The following MCF2L variants were observed in gnomAD, a reference collection of about 807,000 sequenced individuals.
MCF2L encodes the protein guanine nucleotide exchange factor DBS.
MCF2L carries 97 observed loss-of-function variants against 153.4 expected under a neutral mutation model. The ratio of observed to expected loss-of-function variants is 0.63; its 90% confidence interval spans 0.54 to 0.75. The LOEUF is 0.75. MCF2L is among the 30% of genes least tolerant of loss of function. MCF2L has a pLI of 0.00. For synonymous variants in MCF2L, 659 were observed against 632.2 expected (o/e 1.04, Z -0.64); for missense variants, 1,347 against 1,495.2 (o/e 0.90, Z 1.64).
intron 1 of MCF2L, among the ~76,000 whole-genome samples, chr13:112,970,254 A>G (rs1042586815): frequency 6.6e-6 from 1 of 152,194 alleles, no homozygotes; most frequent in Non-Finnish European, 1.5e-5. Flanking sequence ...CATATATGCC[A>G]TTACTAGTTG....
chr13:113,089,864 C>T (rs776169271), intron 26 of MCF2L, 136 bp downstream of exon 26: 1 of 1,612,944 alleles, frequency 6.2e-7, no homozygotes, highest in Non-Finnish European at 8.5e-7. Context: ...CCCTTGCTCC[C>T]CTCTTAACAG....
chr13:113,060,748 A>G, intron 5 of MCF2L, 36 bp downstream of exon 5: 1 of 1,607,496 alleles, frequency 6.2e-7, no homozygotes, highest in Non-Finnish European at 8.5e-7. Context: ...CGGTAGCAGA[A>G]CGGAACTCAT....
intron 2 of MCF2L, among the ~76,000 whole-genome samples, chr13:112,961,219 T>G (rs768903094): frequency 3.9e-5 from 6 of 152,210 alleles, no homozygotes; most frequent in Non-Finnish European, 7.3e-5. Flanking sequence ...TACCAAGTCT[T>G]AAAATAATAC....
intron 20 of MCF2L, 86 bp downstream of exon 20, chr13:113,085,264 G>T: frequency 8.7e-7 from 1 of 1,152,608 alleles, no homozygotes; most frequent in Non-Finnish European, 1.3e-6. Flanking sequence ...TCCCCATCGC[G>T]CCCTGCCCCT....
At chr13:113,019,449 C>T (rs548183309) in intron 2 of MCF2L, among the ~76,000 whole-genome samples, 12 of 152,328 alleles carry the variant, frequency 7.9e-5, no homozygotes, top group Non-Finnish European at 1.3e-4. Context: ...GACAGACAGA[C>T]GTTCCCTGCC....
At position 113,092,990 on chromosome 13, in the gene MCF2L, A is replaced by G. The variant is rs534346858; in HGVS notation, c.2954-1524A>G. The stretch of plus-strand genomic sequence containing the variant: ...TCGTGTGTAAGGTCCTGCCCACGCC[A>G]CACCAGCTCCTGTGCACACACAGCA... On this transcript the variant is annotated intron_variant, in intron 26 of 29. Transcript: ENST00000535094. 5.3e-5 allele frequency among the ~76,000 whole-genome samples: 8 copies of G among 150,536 alleles called. No individual in the cohort carries two copies. The South Asian group carries it at 1.4e-3, about 25-fold the overall frequency.
At position 112,951,122 on chromosome 13, in the gene MCF2L, A is replaced by G. The variant is rs1054425828; in HGVS notation, c.169+48751A>G. The stretch of plus-strand genomic sequence containing the variant: ...AGAGCACACGGAAAGGTGTCAGTCA[A>G]TAGTAGCCAGTGGAGAAGTGCAAGA... On this transcript the variant is annotated intron_variant, in intron 2 of 29. Transcript: ENST00000375608. The surrounding 1 kb of genome is among the most constrained non-coding windows in gnomAD (Gnocchi z 4.8). 5.9e-5 allele frequency among the ~76,000 whole-genome samples: 9 copies of G among 152,212 alleles called. No homozygotes were observed. The highest frequency in any genetic ancestry group is 2.1e-4 in the South Asian group (1 of 4,830).
In MCF2L at chr13:113,074,595, G is replaced by C. The variant is rs765933427; in HGVS notation, c.1116+32G>C. ...CGGGGTCCCGGCGGGGGCGGCGGGAGAGTGTGGGCAGCATCATCAAGTGCT... is the reference window on the plus strand; with the variant it reads ...CGGGGTCCCGGCGGGGGCGGCGGGACAGTGTGGGCAGCATCATCAAGTGCT... On this transcript the variant is annotated intron_variant, in intron 10 of 29. Transcript: ENST00000535094. The surrounding 1 kb of genome is among the most constrained non-coding windows in gnomAD (Gnocchi z 4.2). The C allele has an allele frequency of 1.2e-6, 2 of 1,609,424 alleles. No individual in the cohort carries two copies. Among genetic ancestry groups the C allele is most frequent in the South Asian group, 2.2e-5 (2 of 90,996 alleles).
At chr13:113,080,933 C>T (rs1454782383) in intron 15 of MCF2L, among the ~76,000 whole-genome samples, 2 of 152,186 alleles carry the variant, frequency 1.3e-5, no homozygotes, top group African/African-American at 4.8e-5. Context: ...GGAGGCGAGT[C>T]TGGGAATCCC....
chr13:113,092,989 C>T (rs2035348772), intron 26 of MCF2L, among the ~76,000 whole-genome samples: 1 of 152,268 alleles, frequency 6.6e-6, no homozygotes, highest in African/African-American at 2.4e-5. Context: ...CTGCCCACGC[C>T]ACACCAGCTC....
rs532849365 is a variant in MCF2L, at chr13:113,092,586, G to A, written c.2954-1928G>A. 8.1e-4 allele frequency among the ~76,000 whole-genome samples: 124 copies of A among 152,374 alleles called. 1 individual carries two copies. Among genetic ancestry groups the A allele is most frequent in the African/African-American group, 2.7e-3 (114 of 41,602 alleles). On this transcript the variant is annotated intron_variant, in intron 26 of 29. Coordinates refer to ENST00000535094, the MANE Select transcript of MCF2L (RefSeq NM_001112732.3). ...GCCCAGCACCCACTCCCCAAGCCCT[G>A]CAGGTGGTGACTCCAATGAGCAAAG...
At chr13:113,075,361 T>G (rs556599778) in intron 11 of MCF2L, among the ~76,000 whole-genome samples, 172 bp downstream of exon 11, 19 of 151,170 alleles carry the variant, frequency 1.3e-4, no homozygotes, top group Non-Finnish European at 2.1e-4. Context: ...TTTCTAGAAT[T>G]CATTTGCCAC....
chr13:112,961,852 C>G (rs1397051329), intron 2 of MCF2L, among the ~76,000 whole-genome samples: 2 of 152,222 alleles, frequency 1.3e-5, no homozygotes, highest in Non-Finnish European at 2.9e-5. Flanking sequence ...AGAGGGGCCT[C>G]CTGCCTTGCT....
At position 113,045,795 on chromosome 13, in the gene MCF2L, TACACAAAGCACA is replaced by T. The variant is rs1456670980; in HGVS notation, c.369+438_369+449del. The T allele has an allele frequency of 1.2e-4, 26 of 223,720 alleles. No homozygotes were observed. The highest frequency in any genetic ancestry group is 5.8e-4 in the African/African-American group (26 of 44,662). 13.9% of individuals were successfully genotyped at this position (223,720 alleles called of 1,614,324 possible). A position where few individuals can be genotyped will look rare whatever the true frequency, so the allele number is the denominator to read the frequency against. On this transcript the variant is annotated intron_variant, in intron 4 of 29. Transcript: ENST00000535094. This position sits in a 1 kb window ranked among gnomAD's most constrained non-coding sequence, Gnocchi z 4.2. ...GTGGGATTGAACATGCACTTCCTCT[TACACAAAGCACA>T]ACAGTCCTGACCAGGCAGGACGGGG... is the stretch of plus-strand genomic sequence containing the variant.
chr13:112,975,366 T>C (rs1348602066), intron 1 of MCF2L, among the ~76,000 whole-genome samples: 1 of 152,240 alleles, frequency 6.6e-6, no homozygotes, highest in Non-Finnish European at 1.5e-5. Flanking sequence ...AAATCACTGG[T>C]GCTGGACCCG....
chr13:113,024,629 C>T lies in MCF2L; in HGVS notation c.164-15C>T. ...GGAGCCCTCGGCTAAGGGTCTGCCT[C>T]TGGTCTCTCCCCAGGTGGGCGGGGG... is the stretch of plus-strand genomic sequence containing the variant. On this transcript the variant is annotated splice_polypyrimidine_tract_variant and intron_variant, in intron 2 of 29. Transcript: ENST00000535094. 1.3e-6 allele frequency: 2 copies of T among 1,592,170 alleles called. No homozygotes were observed. Among genetic ancestry groups the T allele is most frequent in the Non-Finnish European group, 1.7e-6 (2 of 1,160,574 alleles).
intron 1 of MCF2L, 25 bp from the exon 2 acceptor site, chr13:113,014,738 C>T (rs375976240): frequency 1.0e-4 from 161 of 1,605,890 alleles, no homozygotes; most frequent in Non-Finnish European, 1.3e-4. Context: ...GGGACTGACA[C>T]GTGCCGTCTG....
Position 113,097,041 on chromosome 13 carries a change from G to A in MCF2L, c.*182G>A. The A allele has an allele frequency of 2.5e-6, 1 of 400,224 alleles. No homozygotes were observed. The highest frequency in any genetic ancestry group is 4.3e-6 in the Non-Finnish European group (1 of 231,090). The allele number at this position is 400,224 out of a possible 1,614,324, so 24.8% of individuals were successfully genotyped here. On this transcript the variant is annotated 3_prime_UTR_variant, in exon 30 of 30. Transcript: ENST00000535094. ...GTTCCACGGAAGACCCCGGCCCGCT[G>A]GGGCTTCCCCGGAGACTCCAGAGCC...
rs964223012 is a variant in MCF2L at position 113,063,065 on chromosome 13, C to T, written c.490-1239C>T. ...ATGATGTTGCTGGAGGAGGTGTAAA[C>T]GCCTGTTGCATGTCCTTGGCCATCA... On this transcript the variant is annotated intron_variant, in intron 5 of 29. Transcript: ENST00000535094. Among the ~76,000 whole-genome samples the T allele has an allele frequency of 7.9e-5, 12 of 152,230 alleles. No homozygotes were observed. In the East Asian group the frequency reaches 1.3e-3, roughly 17 times the overall value.
Sources: gnomAD v4.1 joint callset for allele counts (sites outside exome capture counted in the v4.1 genomes callset) on GRCh38, gnomAD v4.1.1 for gene constraint, Gnocchi (gnomAD v3.1) non-coding constraint, MANE v1.5 for transcripts, NCBI Gene and HGNC (gene_info 2026-07-23, HGNC 2026-07-21) for gene names.